PID1: variants seen among roughly 807,000 people sequenced by gnomAD.
PID1 encodes the protein phosphotyrosine interaction domain containing 1.
Under a neutral mutation model 19.1 loss-of-function variants are expected in PID1, and 10 were observed. The ratio of observed to expected loss-of-function variants is 0.52; its 90% CI spans 0.32 to 0.89. PID1 has a LOEUF of 0.89. PID1 is among the 40% of genes least tolerant of loss of function. PID1 has a pLI of 0.03. For missense variants in PID1, 248 were observed against 285.3 expected (o/e 0.87, Z 0.94); for synonymous variants, 130 against 116.0 (o/e 1.12, Z -0.78).
At chr2:229,253,380 G>T (rs1197743321) in intron 1 of PID1, among the ~76,000 whole-genome samples, 1 of 151,840 alleles carries the variant, frequency 6.6e-6, no homozygotes, top group Non-Finnish European at 1.5e-5. Context: ...GCAGGAAGGT[G>T]AGAGTGACAT....
intron 2 of PID1, among the ~76,000 whole-genome samples, chr2:229,147,775 A>T (rs1338473369): frequency 6.6e-6 from 1 of 152,226 alleles, no homozygotes; most frequent in Non-Finnish European, 1.5e-5. Flanking sequence ...ATCAAGAAGT[A>T]GACTAATTTT....
At chr2:229,113,434 A>G (rs1288349261) in intron 2 of PID1, among the ~76,000 whole-genome samples, 5 of 100,120 alleles carry the variant, frequency 5.0e-5, no homozygotes, top group Non-Finnish European at 1.2e-4. Context: ...ACACACATAC[A>G]TATATATACA....
At chr2:229,221,218 T>A (rs904406573) in intron 1 of PID1, among the ~76,000 whole-genome samples, 1 of 152,178 alleles carries the variant, frequency 6.6e-6, no homozygotes, top group African/African-American at 2.4e-5. Flanking sequence ...GGGAATGCCC[T>A]TAGTATCAGG....
intron 2 of PID1, among the ~76,000 whole-genome samples, chr2:229,100,158 G>T (rs566700878): frequency 6.6e-6 from 1 of 152,266 alleles, no homozygotes; most frequent in Non-Finnish European, 1.5e-5. Context: ...TGGACTTCCA[G>T]CTTTCAGAAC....
chr2:229,190,801 G>T (rs1256726912), intron 1 of PID1, among the ~76,000 whole-genome samples: 1 of 151,964 alleles, frequency 6.6e-6, no homozygotes, highest in African/African-American at 2.4e-5. Context: ...GTTGTGGGCT[G>T]GGTTATTTAC....
chr2:229,145,718 G>A (rs1257344133), intron 2 of PID1, among the ~76,000 whole-genome samples: 1 of 152,066 alleles, frequency 6.6e-6, no homozygotes, highest in Non-Finnish European at 1.5e-5. Context: ...TGACAGTACC[G>A]TGAATCTTTT....
chr2:229,096,029 A>G (rs958094081), intron 2 of PID1, among the ~76,000 whole-genome samples: 1 of 152,164 alleles, frequency 6.6e-6, no homozygotes, highest in African/African-American at 2.4e-5. Flanking sequence ...ATGTCAAATG[A>G]TGTTGGAGAA....
chr2:229,060,503 CTT>C (rs925675915), intron 2 of PID1, among the ~76,000 whole-genome samples: 20 of 152,224 alleles, frequency 1.3e-4, no homozygotes, highest in Admixed American at 1.2e-3. Flanking sequence ...ACCACATTCT[CTT>C]TATCCATTCA....
chr2:229,168,167 T>C (rs1690640617), intron 1 of PID1, among the ~76,000 whole-genome samples: 1 of 152,330 alleles, frequency 6.6e-6, no homozygotes, highest in African/African-American at 2.4e-5. Flanking sequence ...TTGTCATGTT[T>C]AGTGTTATCT....
intron 2 of PID1, among the ~76,000 whole-genome samples, chr2:229,115,316 G>A (rs924436705): frequency 6.6e-6 from 1 of 150,668 alleles, no homozygotes; most frequent in African/African-American, 2.4e-5. Flanking sequence ...GACCAGCCTG[G>A]GCAACACAGC....
chr2:229,257,716 C>T (rs1690340761), intron 1 of PID1, among the ~76,000 whole-genome samples: 1 of 152,146 alleles, frequency 6.6e-6, no homozygotes, highest in African/African-American at 2.4e-5. Context: ...AATTTTCCTC[C>T]TTGAGGGGCA....
At chr2:229,042,172 A>C (rs1237605446) in intron 2 of PID1, among the ~76,000 whole-genome samples, 1 of 152,210 alleles carries the variant, frequency 6.6e-6, no homozygotes, top group East Asian at 1.9e-4. Context: ...GTGTGTCTGT[A>C]AGAGAAAAAG....
intron 2 of PID1, among the ~76,000 whole-genome samples, chr2:229,127,474 A>AG (rs1695646226): frequency 6.6e-6 from 1 of 152,200 alleles, no homozygotes; most frequent in South Asian, 2.1e-4. Flanking sequence ...CTGCCATACA[A>AG]GCCATCAGAA....
Position 229,247,578 on chromosome 2 carries a change from A to G in PID1, c.30+23436T>C, listed in dbSNP as rs1690035676. Among the ~76,000 whole-genome samples, 7 of 152,238 alleles carry G rather than the reference A, an allele frequency of 4.6e-5. 1 individual carries two copies. Among genetic ancestry groups the G allele is most frequent in the Admixed American group, 4.6e-4 (7 of 15,282 alleles). ...TATTTCTTTACAATTGGCATTTGCA[A>G]TGGTTGGAAGATAAATATTTTACAG... On this transcript the variant is annotated intron_variant, in intron 1 of 2. Coordinates refer to ENST00000392055, the MANE Select transcript of PID1 (RefSeq NM_001100818.2).
At chr2:229,228,546 G>A (rs1419748806) in intron 1 of PID1, among the ~76,000 whole-genome samples, 1 of 152,140 alleles carries the variant, frequency 6.6e-6, no homozygotes, top group African/African-American at 2.4e-5. Context: ...GAAATTATAG[G>A]TTGAATGGCA....
rs1053823736 is a variant in PID1, at chr2:229,216,592, G to A, written c.30+54422C>T. 2.6e-5 allele frequency among the ~76,000 whole-genome samples: 4 copies of A among 152,058 alleles called. No homozygotes were observed. The East Asian group carries it at 7.7e-4, about 29-fold the overall frequency. ...AGGTTTTAACCTTTTAAAAACACAT[G>A]TGAGTAATCCTCGAGTTATCAAGCT... On this transcript the variant is annotated intron_variant, in intron 1 of 2. Transcript: ENST00000392055.
chr2:229,241,800 C>T (rs1056799770), intron 1 of PID1, among the ~76,000 whole-genome samples: 1 of 152,102 alleles, frequency 6.6e-6, no homozygotes, highest in Non-Finnish European at 1.5e-5. Flanking sequence ...TGCTTTCTTA[C>T]AAAAGTTACC....
chr2:229,143,479 CAA>C (rs1690061815), intron 2 of PID1, among the ~76,000 whole-genome samples: 1 of 152,084 alleles, frequency 6.6e-6, no homozygotes, highest in South Asian at 2.1e-4. Context: ...TGTTAAGAAA[CAA>C]GAGTCTCCAA....
intron 2 of PID1, among the ~76,000 whole-genome samples, chr2:229,087,520 G>T (rs753850963): frequency 6.6e-6 from 1 of 152,286 alleles, no homozygotes; most frequent in East Asian, 1.9e-4. Flanking sequence ...GGCTGCATGG[G>T]TGTGTTCATG....
Sources: gnomAD v4.1 joint callset for allele counts (sites outside exome capture counted in the v4.1 genomes callset) on GRCh38, gnomAD v4.1.1 for gene constraint, MANE v1.5 for transcripts, NCBI Gene and HGNC (gene_info 2026-07-23, HGNC 2026-07-21) for gene names.